Variants in NPSR1 observed in about 807,000 individuals in gnomAD.
The protein encoded by NPSR1 is neuropeptide S receptor 1.
Under a neutral mutation model 46.9 loss-of-function variants are expected in NPSR1, and 48 were observed. The ratio of observed to expected loss-of-function variants is 1.02; its 90% CI spans 0.81 to 1.30. The LOEUF is 1.30. Among genes scored for constraint, NPSR1 ranks in the 50% most tolerant of loss-of-function variants. NPSR1 has a pLI of 0.00. For missense variants in NPSR1, 450 were observed against 449.5 expected, an observed-to-expected ratio of 1.00 and a Z score of -0.01; for synonymous variants, 176 against 168.1, an observed-to-expected ratio of 1.05 and a Z score of -0.36.
Position 34,848,638 on chromosome 7 carries a change from A to G in NPSR1, c.1000A>G (p.Ser334Gly). The part of the protein sequence containing the change: ...AINPLIYCVF[S>G]SSISFPCREQ... Reference sequence around the variant, plus strand: ...CAACCCCCTCATCTACTGTGTCTTCAGCAGCTCCATCTCTTTCCCCTGCAG... The same window carrying G: ...CAACCCCCTCATCTACTGTGTCTTCGGCAGCTCCATCTCTTTCCCCTGCAG... The change falls in exon 8 of 9, where the codon AGC becomes GGC. Residue 334 changes from serine (S) to glycine (G), a missense_variant. Physicochemically the swap from Ser to Gly is moderately conservative, Grantham distance 56. Coordinates refer to ENST00000360581, the MANE Select transcript of NPSR1 (RefSeq NM_207172.2). The G allele has an allele frequency of 6.2e-7, 1 of 1,614,100 alleles. No individual in the cohort carries two copies. Among genetic ancestry groups the G allele is most frequent in the Non-Finnish European group, 8.5e-7 (1 of 1,180,022 alleles).
intron 1 of NPSR1, among the ~76,000 whole-genome samples, chr7:34,673,933 A>G (rs1792184987): frequency 6.6e-6 from 1 of 152,226 alleles, no homozygotes; most frequent in South Asian, 2.1e-4. Flanking sequence ...GTAAATGCCA[A>G]CAGGAGGTCG....
rs1481077040 is a variant in NPSR1 at position 34,790,946 on chromosome 7, ATATATGT to A, written c.384+12394_384+12400del. ...TATGTTATATGTTATATTATATATC[ATATATGT>A]TATATGTTATATTATATATGTTATA... On this transcript the variant is annotated intron_variant, in intron 3 of 8. Coordinates refer to ENST00000360581, the MANE Select transcript of NPSR1 (RefSeq NM_207172.2). Among the ~76,000 whole-genome samples, 143 of 102,160 alleles carry A rather than the reference ATATATGT, an allele frequency of 1.4e-3. 3 individuals carry two copies. The highest frequency in any genetic ancestry group is 3.3e-3 in the East Asian group (13 of 3,998). The allele number at this position is 102,160 out of a possible 152,430, so 67.0% of individuals were successfully genotyped here.
chr7:34,757,782 C>G (rs1048492417), intron 2 of NPSR1, among the ~76,000 whole-genome samples: 2 of 152,208 alleles, frequency 1.3e-5, no homozygotes, highest in Admixed American at 6.5e-5. Flanking sequence ...CTCCGCATAT[C>G]TGCTCCTACC....
chr7:34,761,318 C>T (rs1786162181), intron 2 of NPSR1: 1 of 152,180 alleles, frequency 6.6e-6, no homozygotes, highest in Admixed American at 6.5e-5. Flanking sequence ...TGATTAGACT[C>T]TTCTACTATA....
At chr7:34,857,071 A>T (rs934073868) in intron 8 of NPSR1, among the ~76,000 whole-genome samples, 1 of 151,822 alleles carries the variant, frequency 6.6e-6, no homozygotes, top group African/African-American at 2.4e-5. Flanking sequence ...GAGTAAATTT[A>T]TAAAAAGGTA....
intron 2 of NPSR1, among the ~76,000 whole-genome samples, chr7:34,696,385 T>C (rs772008319): frequency 6.6e-6 from 1 of 152,116 alleles, no homozygotes; most frequent in Non-Finnish European, 1.5e-5. Flanking sequence ...AGGTAATGGG[T>C]ACACTGGAAT....
intron 2 of NPSR1, among the ~76,000 whole-genome samples, chr7:34,742,168 C>G: frequency 7.2e-6 from 1 of 138,968 alleles, no homozygotes; most frequent in Admixed American, 7.2e-5. Context: ...CTCAATCTCT[C>G]TCCTTTTTTT....
At chr7:34,782,933 G>A (rs1330859673) in intron 3 of NPSR1, among the ~76,000 whole-genome samples, 1 of 151,952 alleles carries the variant, frequency 6.6e-6, no homozygotes, top group East Asian at 1.9e-4. Context: ...GAGAGAGACT[G>A]AAATTATTTT....
chr7:34,802,012 C>T (rs141107789), intron 3 of NPSR1, among the ~76,000 whole-genome samples: 9,936 of 148,348 alleles, frequency 0.067, 1,505 homozygotes, highest in African/African-American at 0.23. Flanking sequence ...TTACAAGTGA[C>T]GTGAAGGACC....
intron 2 of NPSR1, among the ~76,000 whole-genome samples, chr7:34,701,737 G>A (rs574692272): frequency 6.6e-6 from 1 of 152,262 alleles, no homozygotes; most frequent in East Asian, 1.9e-4. Context: ...ATTATATCTG[G>A]CTTTTCTGAG....
intron 1 of NPSR1, among the ~76,000 whole-genome samples, chr7:34,662,114 G>A (rs1791482037): frequency 6.6e-6 from 1 of 152,164 alleles, no homozygotes; most frequent in Non-Finnish European, 1.5e-5. Flanking sequence ...ATAAAATAAT[G>A]TAAATGAAAC....
At chr7:34,659,480 G>T (rs1791347118) in intron 1 of NPSR1, among the ~76,000 whole-genome samples, 1 of 152,094 alleles carries the variant, frequency 6.6e-6, no homozygotes, top group Admixed American at 6.5e-5. Context: ...AAATGATTTG[G>T]TTTTTACACA....
intron 5 of NPSR1, among the ~76,000 whole-genome samples, chr7:34,832,621 C>T (rs972622276): frequency 2.6e-5 from 4 of 152,108 alleles, no homozygotes; most frequent in Non-Finnish European, 5.9e-5. Context: ...ATTAGGTGTT[C>T]GCCATGCTAA....
Position 34,848,471 on chromosome 7 carries a change from C to T in NPSR1, c.845-12C>T, listed in dbSNP as rs1461692766. 2 of 1,613,400 alleles carry T rather than the reference C, an allele frequency of 1.2e-6. No individual in the cohort carries two copies. Among genetic ancestry groups the T allele is most frequent in the Middle Eastern group, 1.6e-4 (1 of 6,062 alleles). ...TACCTGCTGTGATGCTAATGGCTCT[C>T]TTCTCCCCCAGCCTTCATCTGCTGT... On this transcript the variant is annotated splice_polypyrimidine_tract_variant and intron_variant, in intron 7 of 8. Coordinates refer to ENST00000360581, the MANE Select transcript of NPSR1 (RefSeq NM_207172.2).
chr7:34,802,487 C>T (rs62462937), intron 3 of NPSR1, among the ~76,000 whole-genome samples: 12,137 of 150,000 alleles, frequency 0.081, 729 homozygotes, highest in East Asian at 0.14. Context: ...ATTTAATAAA[C>T]GGTGCTGGGA....
chr7:34,697,774 A>G (rs1226313893), intron 2 of NPSR1, among the ~76,000 whole-genome samples: 1 of 146,346 alleles, frequency 6.8e-6, no homozygotes, highest in Non-Finnish European at 1.5e-5. Context: ...ATACATACAT[A>G]TTATATAAAA....
chr7:34,740,755 G>A (rs1200579355), intron 2 of NPSR1, among the ~76,000 whole-genome samples: 3 of 152,158 alleles, frequency 2.0e-5, no homozygotes, highest in Non-Finnish European at 2.9e-5. Flanking sequence ...GATTTGGGGT[G>A]TCTCCTAGGT....
chr7:34,852,981 A>G (rs1051508874), downstream of NPSR1, among the ~76,000 whole-genome samples: 6 of 152,226 alleles, frequency 3.9e-5, no homozygotes. Context: ...TGTGGAACAT[A>G]ATTTAGTTGA....
chr7:34,746,792 G>A (rs1414093763), intron 2 of NPSR1, among the ~76,000 whole-genome samples: 1 of 152,180 alleles, frequency 6.6e-6, no homozygotes, highest in East Asian at 1.9e-4. Flanking sequence ...ATGGGAAAGA[G>A]TGAGGAGTAT....
Sources: gnomAD v4.1 joint callset for allele counts (sites outside exome capture counted in the v4.1 genomes callset) on GRCh38, gnomAD v4.1.1 for gene constraint, MANE v1.5 for transcripts, NCBI Gene and HGNC (gene_info 2026-07-23, HGNC 2026-07-21) for gene names.